Variants in AFF4 observed in about 807,000 individuals in gnomAD.
AFF4 encodes AF4/FMR2 family member 4.
Under a neutral mutation model 124.8 loss-of-function variants are expected in AFF4, and 13 were observed. The observed-to-expected ratio is 0.10, with a 90% CI of 0.07 to 0.17. AFF4 has a LOEUF of 0.17. AFF4 is among the 10% of genes least tolerant of loss of function. The pLI, the probability that AFF4 is intolerant of heterozygous loss-of-function variation, is 1.00. For missense variants in AFF4, 1,092 were observed against 1,403.8 expected (o/e 0.78, Z 3.55); for synonymous variants, 477 against 496.1 (o/e 0.96, Z 0.51).
intron 1 of AFF4, among the ~76,000 whole-genome samples, chr5:132,939,679 C>G (rs1373848332): frequency 3.9e-5 from 6 of 152,338 alleles, no homozygotes; most frequent in Non-Finnish European, 7.3e-5. Context: ...GGCACGATCT[C>G]GGCTCACTGC....
rs1370630055 is a variant in AFF4 at position 132,877,880 on chromosome 5, G to A, written c.*3179C>T. 9.0e-6 allele frequency: 2 copies of A among 222,928 alleles called. No homozygotes were observed. Among genetic ancestry groups the A allele is most frequent in the Non-Finnish European group, 1.8e-5 (2 of 111,414 alleles). The allele number at this position is 222,928 out of a possible 1,614,324, so 13.8% of individuals were successfully genotyped here. On this transcript the variant is annotated 3_prime_UTR_variant, in exon 21 of 21. Coordinates refer to ENST00000265343, the MANE Select transcript of AFF4 (RefSeq NM_014423.4). ...AAACTAGTGAATCTAATAAAGCCAA[G>A]TGTGTCATTCAAAGTGCAGCCCAAG...
In AFF4 at chr5:132,878,967, A is replaced by G. The variant is rs1261165106; in HGVS notation, c.*2092T>C. The G allele has an allele frequency of 2.3e-5, 5 of 221,888 alleles. No homozygotes were observed. Among genetic ancestry groups the G allele is most frequent in the Non-Finnish European group, 4.5e-5 (5 of 111,030 alleles). 13.7% of individuals were successfully genotyped at this position (221,888 alleles called of 1,614,324 possible). On this transcript the variant is annotated 3_prime_UTR_variant, in exon 21 of 21. Coordinates refer to ENST00000265343, the MANE Select transcript of AFF4 (RefSeq NM_014423.4). ...CAGAAAAATCAGAGAAGGACAAGAC[A>G]TAACATGTATTTGATTAACAACCAT...
At chr5:132,927,362 A>T (rs935467082) in intron 4 of AFF4, 155 bp from the exon 5 acceptor site, 1 of 623,344 alleles carries the variant, frequency 1.6e-6, no homozygotes, top group East Asian at 3.0e-5. Context: ...ATTGTGTGCT[A>T]GGCACTATGG....
chr5:132,934,913 C>T lies in AFF4; in HGVS notation c.152G>A (p.Arg51His). The change falls in exon 3 of 21, where the codon CGT (arginine) becomes CAT (histidine). Residue 51 changes from arginine to histidine, a missense_variant. By Grantham distance (29) the Arg-to-His change is conservative (BLOSUM62 0). Coordinates refer to ENST00000265343, the MANE Select transcript of AFF4 (RefSeq NM_014423.4). The part of the protein sequence containing the change: ...VTSKEDKLSS[R>H]IQSMLGNYDE... The stretch of plus-strand genomic sequence containing the variant: ...GTAGTTTCCAAGCATACTCTGAATA[C>T]GACTTGATAACTTATCTTCTTTGCT... The T allele has an allele frequency of 1.3e-6, 2 of 1,597,194 alleles. No homozygotes were observed. Among genetic ancestry groups the T allele is most frequent in the Non-Finnish European group, 1.7e-6 (2 of 1,172,812 alleles).
intron 1 of AFF4, among the ~76,000 whole-genome samples, chr5:132,957,019 CAAAAAAAAA>C (rs1180577709): frequency 2.9e-4 from 12 of 40,790 alleles, no homozygotes; most frequent in East Asian, 7.9e-4. Flanking sequence ...GACTTCGTCT[CAAAAAAAAA>C]AAAAAAAAAA....
chr5:132,899,258 A>T, intron 8 of AFF4, 117 bp from the exon 9 acceptor site: 1 of 942,562 alleles, frequency 1.1e-6, no homozygotes, highest in Non-Finnish European at 1.6e-6. Flanking sequence ...GTATGCAACA[A>T]TATTTAGCAC....
chr5:132,958,342 T>C (rs934462571), intron 1 of AFF4, among the ~76,000 whole-genome samples: 1 of 151,846 alleles, frequency 6.6e-6, no homozygotes, highest in African/African-American at 2.4e-5. Context: ...GGTGCACACC[T>C]GTAGTCCCAG....
At chr5:132,895,203 G>A (rs1760359069) in intron 11 of AFF4, among the ~76,000 whole-genome samples, 3 of 147,502 alleles carry the variant, frequency 2.0e-5, no homozygotes, top group Non-Finnish European at 4.4e-5. Flanking sequence ...TCTATACTAT[G>A]ATAATGGAAA....
At chr5:132,946,870 A>T (rs550094386) in intron 1 of AFF4, among the ~76,000 whole-genome samples, 1 of 119,764 alleles carries the variant, frequency 8.3e-6, no homozygotes, top group Non-Finnish European at 2.1e-5. Flanking sequence ...GCATTCTATA[A>T]TTTTTTTATA....
At chr5:132,900,892 A>C in intron 7 of AFF4, 11 of 984,510 alleles carry the variant, frequency 1.1e-5, no homozygotes, top group Non-Finnish European at 1.3e-5. Flanking sequence ...ATTTCATTAC[A>C]ATCTCCAATC....
intron 7 of AFF4, among the ~76,000 whole-genome samples, chr5:132,901,289 T>C (rs1760545269): frequency 6.6e-6 from 1 of 152,238 alleles, no homozygotes; most frequent in African/African-American, 2.4e-5. Context: ...GTGATAGGTA[T>C]ATATATGGTA....
At chr5:132,941,422 C>T (rs1474606333) in intron 1 of AFF4, among the ~76,000 whole-genome samples, 3 of 152,148 alleles carry the variant, frequency 2.0e-5, no homozygotes, top group Non-Finnish European at 4.4e-5. Context: ...CAACCTCAGA[C>T]TCCGAGGTTC....
At chr5:132,921,626 C>T (rs1175736634) in intron 5 of AFF4, among the ~76,000 whole-genome samples, 1 of 151,988 alleles carries the variant, frequency 6.6e-6, no homozygotes, top group Admixed American at 6.6e-5. Context: ...CGCCACCATG[C>T]CTGGCTAATT....
chr5:132,888,670 CGTAA>C (rs1236049004), intron 14 of AFF4, among the ~76,000 whole-genome samples: 2 of 152,084 alleles, frequency 1.3e-5, no homozygotes, highest in African/African-American at 4.8e-5. Flanking sequence ...GCAGATCATA[CGTAA>C]GTATATATCC....
At chr5:132,902,079 G>C (rs1034576626) in intron 7 of AFF4, among the ~76,000 whole-genome samples, 1 of 152,028 alleles carries the variant, frequency 6.6e-6, no homozygotes, top group Admixed American at 6.6e-5. Context: ...ATCAAGTCTC[G>C]CTCTGTGGCC....
chr5:132,949,183 T>C (rs1175672728), intron 1 of AFF4, among the ~76,000 whole-genome samples: 3 of 151,544 alleles, frequency 2.0e-5, no homozygotes, highest in Non-Finnish European at 4.4e-5. Context: ...CAAATTACAT[T>C]TTCAGGATGA....
Position 132,879,582 on chromosome 5 carries a change from G to C in AFF4, c.*1477C>G. 1 of 206,874 alleles carries C rather than the reference G, an allele frequency of 4.8e-6. No individual in the cohort carries two copies. The highest frequency in any genetic ancestry group is 9.9e-6 in the Non-Finnish European group (1 of 101,114). The allele number at this position is 206,874 out of a possible 1,614,324, so 12.8% of individuals were successfully genotyped here. On this transcript the variant is annotated 3_prime_UTR_variant, in exon 21 of 21. Coordinates refer to ENST00000265343, the MANE Select transcript of AFF4 (RefSeq NM_014423.4). The stretch of plus-strand genomic sequence containing the variant: ...ATCATGTATGGACGATCTGGTCCTA[G>C]TGTAAAACTTCATTTGTAAACAATC...
At chr5:132,953,088 G>T (rs938025809) in intron 1 of AFF4, among the ~76,000 whole-genome samples, 4 of 151,686 alleles carry the variant, frequency 2.6e-5, no homozygotes, top group African/African-American at 9.7e-5. Context: ...CACTTTGGGA[G>T]GGCAAGGTGA....
intron 5 of AFF4, among the ~76,000 whole-genome samples, chr5:132,913,553 CTT>C (rs1228370057): frequency 1.3e-5 from 2 of 152,178 alleles, no homozygotes; most frequent in African/African-American, 4.8e-5. Context: ...AGGCAATCCT[CTT>C]GTTTCAGCCT....
Sources: allele counts gnomAD v4.1 joint callset (sites outside exome capture counted in the v4.1 genomes callset), GRCh38; gene constraint gnomAD v4.1.1; transcripts MANE v1.5; gene names NCBI Gene and HGNC (gene_info 2026-07-23, HGNC 2026-07-21).